PCDHA6: variants seen among roughly 807,000 people sequenced by gnomAD.
PCDHA6 encodes the protein protocadherin alpha-6.
A neutral mutation model predicts 60.3 loss-of-function variants in PCDHA6; 55 were observed. That is an observed-to-expected ratio of 0.91 (90% CI 0.73 to 1.14). The LOEUF is 1.14. Ranked by LOEUF, PCDHA6 falls within the 50% of genes most tolerant of loss-of-function variation. PCDHA6 has a pLI of 0.00. For missense variants in PCDHA6, 1,327 were observed against 1,256.5 expected (o/e 1.06, Z -0.85); for synonymous variants, 652 against 557.9 (o/e 1.17, Z -2.38).
intron 1 of PCDHA6, among the ~76,000 whole-genome samples, chr5:140,845,887 A>G (rs1214611865): frequency 6.7e-6 from 1 of 149,822 alleles, no homozygotes; most frequent in Non-Finnish European, 1.5e-5. Context: ...AATGTCAGAA[A>G]GTCGTTATGG....
rs1319882145 is a variant in PCDHA6, at chr5:140,858,933, A to G, written c.2394+28448A>G. ...GCTTATACTGCCATAGTAGATTTCA[A>G]TGTTCAGTGATTACAGCTTTTTCTC... is the stretch of plus-strand genomic sequence containing the variant. On this transcript the variant is annotated intron_variant, in intron 1 of 3. Transcript: ENST00000529310. The G allele has an allele frequency of 6.2e-5, 10 of 160,710 alleles. 1 individual carries two copies. The highest frequency in any genetic ancestry group is 2.4e-4 in the African/African-American group (10 of 41,146). The allele number at this position is 160,710 out of a possible 1,614,324, so 10.0% of individuals were successfully genotyped here. A position where few individuals can be genotyped will look rare whatever the true frequency, so the allele number is the denominator to read the frequency against.
chr5:140,899,931 C>G (rs1163496997), intron 1 of PCDHA6, among the ~76,000 whole-genome samples: 1 of 152,112 alleles, frequency 6.6e-6, no homozygotes, highest in African/African-American at 2.4e-5. Context: ...CCTCAGCCTC[C>G]TGAATAGCTG....
At chr5:140,960,557 G>A (rs2095556177) in intron 1 of PCDHA6, among the ~76,000 whole-genome samples, 1 of 152,104 alleles carries the variant, frequency 6.6e-6, no homozygotes. Context: ...TATAGACTGA[G>A]CTTAGGAAAA....
chr5:140,884,662 G>C lies in PCDHA6; in HGVS notation c.2394+54177G>C, dbSNP rs372022274. On this transcript the variant is annotated intron_variant, in intron 1 of 3. Transcript: ENST00000529310. ...AGGAGGACTCAGAATGCTTGAAAGA[G>C]GTAAGCTTATATTTTAAAAAATTGT... is the stretch of plus-strand genomic sequence containing the variant. 11 of 1,589,820 alleles carry C rather than the reference G, an allele frequency of 6.9e-6. No homozygotes were observed. In the African/African-American group the frequency reaches 9.4e-5, roughly 14 times the overall value.
chr5:140,912,860 G>A (rs1554195574), intron 1 of PCDHA6, among the ~76,000 whole-genome samples: 1 of 152,182 alleles, frequency 6.6e-6, no homozygotes, highest in African/African-American at 2.4e-5. Flanking sequence ...CAATTGAAAT[G>A]ATATATGGTT....
intron 1 of PCDHA6, among the ~76,000 whole-genome samples, chr5:140,974,423 C>T (rs2096627451): frequency 6.6e-6 from 1 of 152,166 alleles, no homozygotes; most frequent in Non-Finnish European, 1.5e-5. Flanking sequence ...ATTTTACTTT[C>T]CTGGTTTGTA....
At chr5:140,937,769 G>A (rs908179495) in intron 1 of PCDHA6, among the ~76,000 whole-genome samples, 44 of 151,776 alleles carry the variant, frequency 2.9e-4, no homozygotes, top group African/African-American at 9.4e-4. Context: ...AAAATTAGTC[G>A]GGCGTGGTGG....
intron 1 of PCDHA6, among the ~76,000 whole-genome samples, chr5:140,961,915 G>A (rs1393178053): frequency 2.0e-5 from 3 of 147,010 alleles, no homozygotes; most frequent in East Asian, 4.0e-4. Context: ...ATGGAGTCTC[G>A]CTCTGTTGCC....
chr5:140,938,650 A>G (rs184257234), intron 1 of PCDHA6, among the ~76,000 whole-genome samples: 3 of 152,214 alleles, frequency 2.0e-5, no homozygotes, highest in Non-Finnish European at 2.9e-5. Flanking sequence ...ATCCTTCTTT[A>G]TATCATTAGA....
intron 2 of PCDHA6, among the ~76,000 whole-genome samples, chr5:140,979,612 G>A (rs1223690856): frequency 6.6e-6 from 1 of 152,042 alleles, no homozygotes; most frequent in Admixed American, 6.6e-5. Flanking sequence ...CTAGAGTAAC[G>A]GTATTAGTCT....
Position 140,883,460 on chromosome 5 carries a change from G to C in PCDHA6, c.2394+52975G>C, listed in dbSNP as rs1554178305. 4 of 1,614,138 alleles carry C rather than the reference G, an allele frequency of 2.5e-6. No individual in the cohort carries two copies. The African/African-American group carries it at 5.3e-5, about 22-fold the overall frequency. On this transcript the variant is annotated intron_variant, in intron 1 of 3. Transcript: ENST00000529310. Reference sequence around the variant, plus strand: ...GACGCCGCATGTCCCCTTCAAGCTGGTGTCCACCTACAAGAACTACTACTC... The same window carrying C: ...GACGCCGCATGTCCCCTTCAAGCTGCTGTCCACCTACAAGAACTACTACTC...
In PCDHA6 at chr5:140,900,434, C is replaced by T. The variant is rs545919996; in HGVS notation, c.2394+69949C>T. On this transcript the variant is annotated intron_variant, in intron 1 of 3. Transcript: ENST00000529310. Reference sequence around the variant, plus strand: ...CTGGGATTATAGGCACGTGCCACCACGGCCGGCTAATTTTTTATTTTTAGT... The same window carrying T: ...CTGGGATTATAGGCACGTGCCACCATGGCCGGCTAATTTTTTATTTTTAGT... Among the ~76,000 whole-genome samples, 18 of 152,264 alleles carry T rather than the reference C, an allele frequency of 1.2e-4. No individual in the cohort carries two copies. The East Asian group carries it at 2.5e-3, about 21-fold the overall frequency.
At chr5:140,920,841 TAAA>T (rs781921146) in intron 1 of PCDHA6, among the ~76,000 whole-genome samples, 2 of 109,226 alleles carry the variant, frequency 1.8e-5, no homozygotes, top group Non-Finnish European at 3.9e-5. Context: ...AGACCAAATC[TAAA>T]AAAAAAAAAA....
chr5:140,902,555 T>C (rs538054274), intron 1 of PCDHA6, among the ~76,000 whole-genome samples: 1 of 152,182 alleles, frequency 6.6e-6, no homozygotes, highest in Non-Finnish European at 1.5e-5. Flanking sequence ...TATACCCAGA[T>C]TTTTGAGGGT....
intron 1 of PCDHA6, chr5:140,928,995 C>T (rs1554206548): frequency 1.2e-6 from 2 of 1,613,798 alleles, no homozygotes; most frequent in Non-Finnish European, 1.7e-6. Flanking sequence ...GCTTACTTTT[C>T]TTCGTGTGTA....
At chr5:141,005,153 C>G (rs1408163088) in intron 3 of PCDHA6, among the ~76,000 whole-genome samples, 1 of 152,194 alleles carries the variant, frequency 6.6e-6, no homozygotes, top group East Asian at 1.9e-4. Flanking sequence ...GTTTGGTCTG[C>G]TAAAGAGTGG....
chr5:140,905,843 T>C (rs1554192236), intron 1 of PCDHA6, among the ~76,000 whole-genome samples: 1 of 152,126 alleles, frequency 6.6e-6, no homozygotes, highest in South Asian at 2.1e-4. Flanking sequence ...GGGAGTTTAT[T>C]AAGGAGTATT....
intron 1 of PCDHA6, chr5:140,852,134 G>A: frequency 3.4e-6 from 3 of 887,872 alleles, no homozygotes; most frequent in Non-Finnish European, 4.1e-6. Flanking sequence ...AAACTCAGTA[G>A]AGAAAGATCA....
In PCDHA6 at chr5:140,844,415, G is replaced by GT. The variant is rs1436440937; in HGVS notation, c.2394+13936dup. Among the ~76,000 whole-genome samples, 5 of 149,230 alleles carry GT rather than the reference G, an allele frequency of 3.4e-5. 1 individual carries two copies. Among genetic ancestry groups the GT allele is most frequent in the Non-Finnish European group, 6.0e-5 (4 of 66,716 alleles). On this transcript the variant is annotated intron_variant, in intron 1 of 3. Transcript: ENST00000529310. ...AGACCATTTTACCATTTGGAGACAT[G>GT]TTTTTTATTCTACATGATTTTTACA...
Sources: gnomAD v4.1 joint callset for allele counts (sites outside exome capture counted in the v4.1 genomes callset) on GRCh38, gnomAD v4.1.1 for gene constraint, MANE v1.5 for transcripts, NCBI Gene and HGNC (gene_info 2026-07-23, HGNC 2026-07-21) for gene names.